The following EXOC6B variants were observed in gnomAD, a reference collection of about 807,000 sequenced individuals.
EXOC6B encodes exocyst complex component 6B.
A neutral mutation model predicts 113.5 loss-of-function variants in EXOC6B; 54 were observed. The ratio of observed to expected loss-of-function variants is 0.48; its 90% CI spans 0.38 to 0.60. The LOEUF (loss-of-function observed/expected upper bound fraction) is 0.60, where lower values mean the gene tolerates loss of function less well. Ranked by LOEUF, EXOC6B falls within the 20% of genes least tolerant of loss-of-function variation. EXOC6B has a pLI of 0.00. For missense variants in EXOC6B, 797 were observed against 977.5 expected (o/e 0.82, Z 2.46); for synonymous variants, 357 against 339.0 (o/e 1.05, Z -0.58).
chr2:72,249,786 A>G (rs1332127374), intron 20 of EXOC6B, among the ~76,000 whole-genome samples: 1 of 152,212 alleles, frequency 6.6e-6, no homozygotes, highest in Non-Finnish European at 1.5e-5. Context: ...GAAAAAAATT[A>G]TCTTCTTCTT....
intron 6 of EXOC6B, among the ~76,000 whole-genome samples, chr2:72,697,491 G>T (rs542347089): frequency 6.6e-6 from 1 of 152,114 alleles, no homozygotes; most frequent in South Asian, 2.1e-4. Context: ...TTCAAGACCA[G>T]CCTGGGCAAC....
intron 19 of EXOC6B, among the ~76,000 whole-genome samples, chr2:72,360,405 ATAC>A (rs1287906911): frequency 5.9e-5 from 9 of 152,156 alleles, no homozygotes; most frequent in Non-Finnish European, 1.2e-4. Context: ...ATACTTCTTT[ATAC>A]TACAAGTTCA....
chr2:72,315,384 A>C (rs1687456233), intron 20 of EXOC6B, among the ~76,000 whole-genome samples: 1 of 151,848 alleles, frequency 6.6e-6, no homozygotes, highest in Non-Finnish European at 1.5e-5. Flanking sequence ...GATCTTATAG[A>C]CCATTAAAAG....
At position 72,207,115 on chromosome 2, in the gene EXOC6B, A is replaced by G. The variant is rs538898812; in HGVS notation, c.2197-22928T>C. ...ACATCTTTTACATGTAAATACATAT[A>G]GATAAATGTAACCAATTTTAAAGAC... On this transcript the variant is annotated intron_variant, in intron 20 of 21. Transcript: ENST00000272427. Among the ~76,000 whole-genome samples, 6 of 152,346 alleles carry G rather than the reference A, an allele frequency of 3.9e-5. No individual in the cohort carries two copies. The South Asian group carries it at 1.2e-3, about 32-fold the overall frequency.
intron 6 of EXOC6B, among the ~76,000 whole-genome samples, chr2:72,655,145 T>C (rs945542096): frequency 1.3e-5 from 2 of 152,120 alleles, no homozygotes; most frequent in African/African-American, 4.8e-5. Context: ...AATCAATTAT[T>C]CAAACAAGTA....
chr2:72,777,500 A>C (rs1458963117), intron 1 of EXOC6B, among the ~76,000 whole-genome samples: 1 of 152,136 alleles, frequency 6.6e-6, no homozygotes, highest in Non-Finnish European at 1.5e-5. Context: ...AAAAGAAATT[A>C]AGATATCCCC....
chr2:72,524,227 G>A (rs1194788200), intron 8 of EXOC6B, among the ~76,000 whole-genome samples: 2 of 150,842 alleles, frequency 1.3e-5, no homozygotes, highest in Non-Finnish European at 2.9e-5. Flanking sequence ...TTTTCATACA[G>A]CCCCATAATG....
At chr2:72,208,260 G>T (rs1679956558) in intron 20 of EXOC6B, among the ~76,000 whole-genome samples, 1 of 151,664 alleles carries the variant, frequency 6.6e-6, no homozygotes, top group African/African-American at 2.4e-5. Context: ...CTAGTAGTCT[G>T]CAGTGTCTGT....
intron 18 of EXOC6B, among the ~76,000 whole-genome samples, chr2:72,396,552 A>G (rs568359110): frequency 6.6e-6 from 1 of 152,188 alleles, no homozygotes; most frequent in African/African-American, 2.4e-5. Context: ...GATCCTAAGC[A>G]AAAGACAAAA....
intron 19 of EXOC6B, among the ~76,000 whole-genome samples, chr2:72,345,465 G>A (rs1279326383): frequency 6.6e-6 from 1 of 152,060 alleles, no homozygotes; most frequent in Non-Finnish European, 1.5e-5. Flanking sequence ...AATAAATGGT[G>A]TTATTTCCAG....
At chr2:72,619,302 C>G (rs559917661) in intron 6 of EXOC6B, among the ~76,000 whole-genome samples, 1 of 151,830 alleles carries the variant, frequency 6.6e-6, no homozygotes, top group East Asian at 1.9e-4. Flanking sequence ...TTAAAAGAGT[C>G]GAGTTGGGTT....
At chr2:72,630,614 A>G (rs138025054) in intron 6 of EXOC6B, among the ~76,000 whole-genome samples, 1 of 152,040 alleles carries the variant, frequency 6.6e-6, no homozygotes, top group African/African-American at 2.4e-5. Context: ...AGATCATCAA[A>G]CTTCTATATA....
At chr2:72,362,136 A>G (rs1470644345) in intron 19 of EXOC6B, among the ~76,000 whole-genome samples, 2 of 152,302 alleles carry the variant, frequency 1.3e-5, no homozygotes, top group South Asian at 2.1e-4. Flanking sequence ...ACCAAAGCAT[A>G]TTTAATTGAC....
rs57679690 is a variant in EXOC6B, at chr2:72,189,860, CTTTT to C, written c.2197-5677_2197-5674del. Among the ~76,000 whole-genome samples, 4 of 87,212 alleles carry C rather than the reference CTTTT, an allele frequency of 4.6e-5. No individual in the cohort carries two copies. In the East Asian group the frequency reaches 7.8e-4, roughly 17 times the overall value. 57.2% of individuals were successfully genotyped at this position (87,212 alleles called of 152,430 possible). A position where few individuals can be genotyped will look rare whatever the true frequency, so the allele number is the denominator to read the frequency against. ...TCTCTCTCTCTTTCTCCTTCTTCTTCTTTTTTTTTTTTTTTTTTTTGAGGCAGAG... is the reference window on the plus strand; with the variant it reads ...TCTCTCTCTCTTTCTCCTTCTTCTTCTTTTTTTTTTTTTTTTGAGGCAGAG... On this transcript the variant is annotated intron_variant, in intron 20 of 21. Coordinates refer to ENST00000272427, the MANE Select transcript of EXOC6B (RefSeq NM_015189.3).
intron 6 of EXOC6B, among the ~76,000 whole-genome samples, chr2:72,629,279 A>G (rs188030577): frequency 1.3e-5 from 2 of 152,344 alleles, no homozygotes; most frequent in Admixed American, 6.5e-5. Context: ...GAGCAGTACT[A>G]TTCATACAGC....
chr2:72,222,993 G>A (rs898115938), intron 20 of EXOC6B, among the ~76,000 whole-genome samples: 1 of 152,168 alleles, frequency 6.6e-6, no homozygotes, highest in Non-Finnish European at 1.5e-5. Context: ...CACTAGCACT[G>A]AAAATGTGTA....
At chr2:72,615,985 C>A (rs1643478430) in intron 6 of EXOC6B, among the ~76,000 whole-genome samples, 1 of 151,622 alleles carries the variant, frequency 6.6e-6, no homozygotes, top group Admixed American at 6.6e-5. Flanking sequence ...TCAATGTAAA[C>A]CAAAATAAAC....
intron 6 of EXOC6B, among the ~76,000 whole-genome samples, chr2:72,594,082 C>A (rs1043105934): frequency 2.0e-5 from 3 of 152,136 alleles, no homozygotes; most frequent in Non-Finnish European, 2.9e-5. Flanking sequence ...CTGGTCTCAA[C>A]TGATCCTCCA....
intron 6 of EXOC6B, among the ~76,000 whole-genome samples, chr2:72,667,612 G>C (rs1314070298): frequency 1.3e-5 from 2 of 151,958 alleles, no homozygotes; most frequent in African/African-American, 4.8e-5. Context: ...TCAACAAAAA[G>C]AGCAATAGGG....
Sources: gnomAD v4.1 joint callset for allele counts (sites outside exome capture counted in the v4.1 genomes callset) on GRCh38, gnomAD v4.1.1 for gene constraint, MANE v1.5 for transcripts, NCBI Gene and HGNC (gene_info 2026-07-23, HGNC 2026-07-21) for gene names.